Variants in KRTAP20-3 observed in about 807,000 individuals in gnomAD.
KRTAP20-3 encodes keratin-associated protein 20-3.
For synonymous variants in KRTAP20-3, 16 were observed against 20.4 expected (o/e 0.78, Z 0.59); for missense variants, 52 against 51.7 (o/e 1.01, Z -0.02).
rs1372041270 is a variant in KRTAP20-3 at position 30,642,956 on chromosome 21, C to G, written c.68C>G (p.Ser23Cys). The change falls in exon 1 of 1, where the codon TCT becomes TGT. Residue 23 changes from serine (S) to cysteine (C), a missense_variant. By Grantham distance (112) the Ser-to-Cys change is moderately radical. Coordinates refer to ENST00000382826, the MANE Select transcript of KRTAP20-3 (RefSeq NM_001128077.1). ...YGYDCKYSYT[S>C]GFGAFRILDC... ...TATGACTGTAAATATAGTTATACCT[C>G]TGGCTTTGGTGCCTTTAGAATCCTG... is the stretch of plus-strand genomic sequence containing the variant. The G allele has an allele frequency of 6.4e-7, 1 of 1,551,768 alleles. No homozygotes were observed. Among genetic ancestry groups the G allele is most frequent in the African/African-American group, 1.4e-5 (1 of 73,026 alleles).
At position 30,642,980 on chromosome 21, in the gene KRTAP20-3, T is replaced by A; in HGVS notation, c.92T>A (p.Leu31Gln). The A allele has an allele frequency of 6.4e-7, 1 of 1,551,804 alleles. No individual in the cohort carries two copies. The highest frequency in any genetic ancestry group is 8.7e-7 in the Non-Finnish European group (1 of 1,146,956). Reference sequence around the variant, plus strand: ...TCTGGCTTTGGTGCCTTTAGAATCCTGGACTGTGGCTACAGATGTGGCTGT... The same window carrying A: ...TCTGGCTTTGGTGCCTTTAGAATCCAGGACTGTGGCTACAGATGTGGCTGT... ...YTSGFGAFRILDCGYRCGCGG... is the reference protein window; with the variant it reads ...YTSGFGAFRIQDCGYRCGCGG... Residue 31 changes from leucine (L) to glutamine (Q), a missense_variant, in exon 1 of 1, where the codon CTG becomes CAG. Coordinates refer to ENST00000382826, the MANE Select transcript of KRTAP20-3 (RefSeq NM_001128077.1).
rs1196902122 is a variant in KRTAP20-3 at position 30,643,017 on chromosome 21, G to T, written c.129G>T (p.Trp43Cys). The change falls in exon 1 of 1, where the codon TGG (tryptophan) becomes TGT (cysteine). Residue 43 changes from tryptophan (W) to cysteine (C), a missense_variant. Coordinates refer to ENST00000382826, the MANE Select transcript of KRTAP20-3 (RefSeq NM_001128077.1). ...CGYRCGCGGV[W>C]I ...ACAGATGTGGCTGTGGTGGGGTATG[G>T]ATTTGACTGCTGCCACCAATATGAT... 1.3e-6 allele frequency: 2 copies of T among 1,551,446 alleles called. No individual in the cohort carries two copies. Among genetic ancestry groups the T allele is most frequent in the African/African-American group, 2.7e-5 (2 of 73,144 alleles).
At position 30,643,131 on chromosome 21, in the gene KRTAP20-3, AC is replaced by A. The variant is rs1568907243; in HGVS notation, c.*109del. 30 of 1,166,528 alleles carry A rather than the reference AC, an allele frequency of 2.6e-5. No homozygotes were observed. In the East Asian group the frequency reaches 7.8e-4, roughly 30 times the overall value. The allele number at this position is 1,166,528 out of a possible 1,614,324, so 72.3% of individuals were successfully genotyped here. Reference sequence around the variant, plus strand: ...TGAGACAGGGGTGCTGTTCTACTACACTTTTTTTAATTTGTTTAACCCAATT... The same window carrying A: ...TGAGACAGGGGTGCTGTTCTACTACATTTTTTTAATTTGTTTAACCCAATT... On this transcript the variant is annotated 3_prime_UTR_variant, in exon 1 of 1. Coordinates refer to ENST00000382826, the MANE Select transcript of KRTAP20-3 (RefSeq NM_001128077.1).
In KRTAP20-3 at chr21:30,643,101, T is replaced by C; in HGVS notation, c.*78T>C. The C allele has an allele frequency of 6.9e-7, 1 of 1,455,890 alleles. No homozygotes were observed. Among genetic ancestry groups the C allele is most frequent in the Non-Finnish European group, 9.3e-7 (1 of 1,070,194 alleles). 90.2% of individuals were successfully genotyped at this position (1,455,890 alleles called of 1,614,324 possible). A position where few individuals can be genotyped will look rare whatever the true frequency, so the allele number is the denominator to read the frequency against. On this transcript the variant is annotated 3_prime_UTR_variant, in exon 1 of 1. Transcript: ENST00000382826. Reference sequence around the variant, plus strand: ...ATAATATCTACAATTGGGTCCATTTTCTTATGAGACAGGGGTGCTGTTCTA... The same window carrying C: ...ATAATATCTACAATTGGGTCCATTTCCTTATGAGACAGGGGTGCTGTTCTA...
Position 30,643,006 on chromosome 21 carries a change from G to C in KRTAP20-3, c.118G>C (p.Gly40Arg). Residue 40 changes from glycine to arginine, a missense_variant, in exon 1 of 1, where the codon GGT becomes CGT. By Grantham distance (125) the Gly-to-Arg change is moderately radical. Coordinates refer to ENST00000382826, the MANE Select transcript of KRTAP20-3 (RefSeq NM_001128077.1). ...GGACTGTGGCTACAGATGTGGCTGT[G>C]GTGGGGTATGGATTTGACTGCTGCC... ...ILDCGYRCGC[G>R]GVWI 1 of 1,551,502 alleles carries C rather than the reference G, an allele frequency of 6.4e-7. No individual in the cohort carries two copies. Among genetic ancestry groups the C allele is most frequent in the Non-Finnish European group, 8.7e-7 (1 of 1,146,882 alleles).
chr21:30,642,933 T>A, the KRTAP20-3 span: 1 of 1,552,008 alleles, frequency 6.4e-7, no homozygotes, highest in South Asian at 1.2e-5. Flanking sequence ...GCTATGGCTA[T>A]GACTGTAAAT....
Position 30,642,982 on chromosome 21 carries a change from G to T in KRTAP20-3, c.94G>T (p.Asp32Tyr), listed in dbSNP as rs1341351909. 1 of 1,551,726 alleles carries T rather than the reference G, an allele frequency of 6.4e-7. No homozygotes were observed. The highest frequency in any genetic ancestry group is 1.2e-5 in the South Asian group (1 of 84,060). The change falls in exon 1 of 1, where the codon GAC (aspartate) becomes TAC (tyrosine). Residue 32 changes from aspartate to tyrosine, a missense_variant. Transcript: ENST00000382826. ...TGGCTTTGGTGCCTTTAGAATCCTGGACTGTGGCTACAGATGTGGCTGTGG... is the reference window on the plus strand; with the variant it reads ...TGGCTTTGGTGCCTTTAGAATCCTGTACTGTGGCTACAGATGTGGCTGTGG... The part of the protein sequence containing the change: ...TSGFGAFRIL[D>Y]CGYRCGCGGV...
chr21:30,642,949 T>C lies in KRTAP20-3; in HGVS notation c.61T>C (p.Tyr21His). The C allele has an allele frequency of 6.4e-7, 1 of 1,551,758 alleles. No homozygotes were observed. Among genetic ancestry groups the C allele is most frequent in the African/African-American group, 1.4e-5 (1 of 73,140 alleles). ...CTATGGCTATGACTGTAAATATAGTTATACCTCTGGCTTTGGTGCCTTTAG... is the reference window on the plus strand; with the variant it reads ...CTATGGCTATGACTGTAAATATAGTCATACCTCTGGCTTTGGTGCCTTTAG... ...LGYGYDCKYS[Y>H]TSGFGAFRIL... is the part of the protein sequence containing the mutation. The change falls in exon 1 of 1, where the codon TAT becomes CAT. Residue 21 changes from tyrosine (Y) to histidine (H), a missense_variant. Physicochemically the swap from Tyr to His is moderately conservative, Grantham distance 83. Coordinates refer to ENST00000382826, the MANE Select transcript of KRTAP20-3 (RefSeq NM_001128077.1).
Position 30,642,905 on chromosome 21 carries a change from A to C in KRTAP20-3, c.17A>C (p.Asn6Thr). MSYYGNYYGGLGYGYD... is the reference protein window; with the variant it reads MSYYGTYYGGLGYGYD... ...CCTGACACAATGAGCTACTATGGCA[A>C]CTACTACGGAGGACTGGGCTATGGC... Residue 6 changes from asparagine (N) to threonine (T), a missense_variant, in exon 1 of 1, where the codon AAC becomes ACC. Transcript: ENST00000382826. The C allele has an allele frequency of 1.3e-6, 2 of 1,551,986 alleles. No homozygotes were observed. The highest frequency in any genetic ancestry group is 1.7e-6 in the Non-Finnish European group (2 of 1,146,934).
rs1298566527 is a variant in KRTAP20-3, at chr21:30,643,051, A to G, written c.*28A>G. 2.6e-6 allele frequency: 4 copies of G among 1,550,638 alleles called. No individual in the cohort carries two copies. The highest frequency in any genetic ancestry group is 1.2e-5 in the South Asian group (1 of 83,998). On this transcript the variant is annotated 3_prime_UTR_variant, in exon 1 of 1. Transcript: ENST00000382826. ...GCTGCCACCAATATGATTATGCTAC[A>G]TGCTTATTATCAGGCACTGACTGAA...
chr21:30,643,067 A>G lies in KRTAP20-3; in HGVS notation c.*44A>G. ...TTATGCTACATGCTTATTATCAGGC[A>G]CTGACTGAATAATATCTACAATTGG... On this transcript the variant is annotated 3_prime_UTR_variant, in exon 1 of 1. Coordinates refer to ENST00000382826, the MANE Select transcript of KRTAP20-3 (RefSeq NM_001128077.1). 9 of 1,544,516 alleles carry G rather than the reference A, an allele frequency of 5.8e-6. No individual in the cohort carries two copies. Among genetic ancestry groups the G allele is most frequent in the Non-Finnish European group, 7.9e-6 (9 of 1,141,244 alleles).
At position 30,643,084 on chromosome 21, in the gene KRTAP20-3, T is replaced by G. The variant is rs188043954; in HGVS notation, c.*61T>G. 1 of 1,513,490 alleles carries G rather than the reference T, an allele frequency of 6.6e-7. No individual in the cohort carries two copies. The highest frequency in any genetic ancestry group is 2.5e-5 in the East Asian group (1 of 40,650). 93.8% of individuals were successfully genotyped at this position (1,513,490 alleles called of 1,614,324 possible). On this transcript the variant is annotated 3_prime_UTR_variant, in exon 1 of 1. Transcript: ENST00000382826. ...TATCAGGCACTGACTGAATAATATCTACAATTGGGTCCATTTTCTTATGAG... is the reference window on the plus strand; with the variant it reads ...TATCAGGCACTGACTGAATAATATCGACAATTGGGTCCATTTTCTTATGAG...
Position 30,642,946 on chromosome 21 carries a change from A to G in KRTAP20-3, c.58A>G (p.Ser20Gly), listed in dbSNP as rs1981341603. The G allele has an allele frequency of 6.4e-7, 1 of 1,551,872 alleles. No individual in the cohort carries two copies. The highest frequency in any genetic ancestry group is 8.7e-7 in the Non-Finnish European group (1 of 1,146,914). The part of the protein sequence containing the change: ...GLGYGYDCKY[S>G]YTSGFGAFRI... Reference sequence around the variant, plus strand: ...GGGCTATGGCTATGACTGTAAATATAGTTATACCTCTGGCTTTGGTGCCTT... The same window carrying G: ...GGGCTATGGCTATGACTGTAAATATGGTTATACCTCTGGCTTTGGTGCCTT... Residue 20 changes from serine to glycine, a missense_variant, in exon 1 of 1, where the codon AGT (serine) becomes GGT (glycine). Physicochemically the swap from Ser to Gly is moderately conservative, Grantham distance 56. Coordinates refer to ENST00000382826, the MANE Select transcript of KRTAP20-3 (RefSeq NM_001128077.1).
rs1359653293 is a variant in KRTAP20-3, at chr21:30,642,895, T to C, written c.7T>C (p.Tyr3His). 4 of 1,551,810 alleles carry C rather than the reference T, an allele frequency of 2.6e-6. No homozygotes were observed. The highest frequency in any genetic ancestry group is 3.9e-5 in the Admixed American group (2 of 50,974). Residue 3 changes from tyrosine to histidine, a missense_variant, in exon 1 of 1, where the codon TAC (tyrosine) becomes CAC (histidine). By Grantham distance (83) the Tyr-to-His change is moderately conservative. Transcript: ENST00000382826. MS[Y>H]YGNYYGGLGY... ...AGACTTAAATCCTGACACAATGAGCTACTATGGCAACTACTACGGAGGACT... is the reference window on the plus strand; with the variant it reads ...AGACTTAAATCCTGACACAATGAGCCACTATGGCAACTACTACGGAGGACT...
In KRTAP20-3 at chr21:30,642,930, C is replaced by T. The variant is rs766111451; in HGVS notation, c.42C>T (p.Gly14=). 102 of 1,551,930 alleles carry T rather than the reference C, an allele frequency of 6.6e-5. No individual in the cohort carries two copies. The African/African-American group carries it at 1.3e-3, about 19-fold the overall frequency. ...YGNYYGGLGY[G]YDCKYSYTSG... The stretch of plus-strand genomic sequence containing the variant: ...ACTACTACGGAGGACTGGGCTATGG[C>T]TATGACTGTAAATATAGTTATACCT... The change falls in exon 1 of 1, where the codon GGC becomes GGT. Residue 14 remains glycine (G), a synonymous_variant. Coordinates refer to ENST00000382826, the MANE Select transcript of KRTAP20-3 (RefSeq NM_001128077.1).
In KRTAP20-3 at chr21:30,643,133, T is replaced by A; in HGVS notation, c.*110T>A. 1 of 1,142,736 alleles carries A rather than the reference T, an allele frequency of 8.8e-7. No individual in the cohort carries two copies. Among genetic ancestry groups the A allele is most frequent in the Non-Finnish European group, 1.2e-6 (1 of 814,580 alleles). 70.8% of individuals were successfully genotyped at this position (1,142,736 alleles called of 1,614,324 possible). ...AGACAGGGGTGCTGTTCTACTACAC[T>A]TTTTTTAATTTGTTTAACCCAATTA... On this transcript the variant is annotated 3_prime_UTR_variant, in exon 1 of 1. Coordinates refer to ENST00000382826, the MANE Select transcript of KRTAP20-3 (RefSeq NM_001128077.1).
Position 30,643,135 on chromosome 21 carries a change from T to C in KRTAP20-3, c.*112T>C, listed in dbSNP as rs905084746. The stretch of plus-strand genomic sequence containing the variant: ...ACAGGGGTGCTGTTCTACTACACTT[T>C]TTTTAATTTGTTTAACCCAATTAGA... On this transcript the variant is annotated 3_prime_UTR_variant, in exon 1 of 1. Coordinates refer to ENST00000382826, the MANE Select transcript of KRTAP20-3 (RefSeq NM_001128077.1). 1.3e-4 allele frequency: 156 copies of C among 1,161,208 alleles called. 1 individual carries two copies. In the East Asian group the frequency reaches 4.0e-3, roughly 30 times the overall value. 71.9% of individuals were successfully genotyped at this position (1,161,208 alleles called of 1,614,324 possible). A position where few individuals can be genotyped will look rare whatever the true frequency, so the allele number is the denominator to read the frequency against.
chr21:30,643,006 G>T lies in KRTAP20-3; in HGVS notation c.118G>T (p.Gly40Cys). Residue 40 changes from glycine (G) to cysteine (C), a missense_variant, in exon 1 of 1, where the codon GGT becomes TGT. By Grantham distance (159) the Gly-to-Cys change is radical. Coordinates refer to ENST00000382826, the MANE Select transcript of KRTAP20-3 (RefSeq NM_001128077.1). ...GGACTGTGGCTACAGATGTGGCTGT[G>T]GTGGGGTATGGATTTGACTGCTGCC... ...ILDCGYRCGC[G>C]GVWI 4 of 1,551,502 alleles carry T rather than the reference G, an allele frequency of 2.6e-6. No homozygotes were observed. The highest frequency in any genetic ancestry group is 2.4e-5 in the East Asian group (1 of 40,910).
rs1046671982 is a variant in KRTAP20-3, at chr21:30,643,131, A to G, written c.*108A>G. 3.5e-5 allele frequency: 41 copies of G among 1,166,410 alleles called. No individual in the cohort carries two copies. The African/African-American group carries it at 4.7e-4, about 13-fold the overall frequency. 72.3% of individuals were successfully genotyped at this position (1,166,410 alleles called of 1,614,324 possible). ...TGAGACAGGGGTGCTGTTCTACTAC[A>G]CTTTTTTTAATTTGTTTAACCCAAT... is the stretch of plus-strand genomic sequence containing the variant. On this transcript the variant is annotated 3_prime_UTR_variant, in exon 1 of 1. Transcript: ENST00000382826.
Sources: allele counts gnomAD v4.1 joint callset, GRCh38; gene constraint gnomAD v4.1.1; transcripts MANE v1.5; gene names NCBI Gene and HGNC (gene_info 2026-07-23, HGNC 2026-07-21).